Variants in MTHFD1L observed in about 807,000 individuals in gnomAD.
MTHFD1L encodes methylenetetrahydrofolate dehydrogenase (NADP+ dependent) 1 like, also known as monofunctional C1-tetrahydrofolate synthase, mitochondrial.
Under a neutral mutation model 119.5 loss-of-function variants are expected in MTHFD1L, and 81 were observed. The observed-to-expected ratio is 0.68, with a 90% confidence interval of 0.57 to 0.82. The LOEUF (loss-of-function observed/expected upper bound fraction) is 0.82. Ranked by LOEUF, MTHFD1L falls within the 40% of genes least tolerant of loss-of-function variation. The pLI, the probability that MTHFD1L is intolerant of heterozygous loss-of-function variation, is 0.00. For synonymous variants in MTHFD1L, 430 were observed against 475.2 expected, an observed-to-expected ratio of 0.90 and a Z score of 1.24; for missense variants, 1,125 against 1,253.4, an observed-to-expected ratio of 0.90 and a Z score of 1.55.
intron 7 of MTHFD1L, among the ~76,000 whole-genome samples, chr6:150,889,316 A>C (rs1281795101): frequency 6.6e-6 from 1 of 152,256 alleles, no homozygotes; most frequent in Non-Finnish European, 1.5e-5. Context: ...GTGGAAAGCA[A>C]AACTGTAAAA....
chr6:151,034,197 A>AT (rs796964839), intron 24 of MTHFD1L, among the ~76,000 whole-genome samples: 2 of 151,876 alleles, frequency 1.3e-5, no homozygotes, highest in Admixed American at 6.6e-5. Flanking sequence ...AGTAAACTAT[A>AT]TTTTTTTAAT....
intron 11 of MTHFD1L, among the ~76,000 whole-genome samples, chr6:150,932,987 G>A (rs1791413289): frequency 6.6e-6 from 1 of 152,098 alleles, no homozygotes; most frequent in Admixed American, 6.5e-5. Context: ...TAAAGATACT[G>A]GGGGGAAAAC....
chr6:151,057,607 G>A (rs928977113), intron 26 of MTHFD1L, among the ~76,000 whole-genome samples: 10 of 152,014 alleles, frequency 6.6e-5, no homozygotes, highest in African/African-American at 2.2e-4. Context: ...ACTCCAGCCT[G>A]GGCAACAGAG....
chr6:150,973,112 C>T (rs1462425125), intron 20 of MTHFD1L, among the ~76,000 whole-genome samples: 1 of 152,238 alleles, frequency 6.6e-6, no homozygotes, highest in Non-Finnish European at 1.5e-5. Flanking sequence ...CCATTAACCA[C>T]ACGTATACCT....
intron 5 of MTHFD1L, among the ~76,000 whole-genome samples, chr6:150,885,278 C>A (rs1782055745): frequency 6.6e-6 from 1 of 151,100 alleles, no homozygotes; most frequent in Non-Finnish European, 1.5e-5. Context: ...CTCACTGCAA[C>A]CTCTGCCTCC....
rs1176887544 is a variant in MTHFD1L, at chr6:151,039,602, G to A, written c.2847+2485G>A. Among the ~76,000 whole-genome samples, 1 of 152,164 alleles carries A rather than the reference G, an allele frequency of 6.6e-6. No homozygotes were observed. The highest frequency in any genetic ancestry group is 1.9e-4 in the East Asian group (1 of 5,178). On this transcript the variant is annotated intron_variant, in intron 26 of 27. Coordinates refer to ENST00000367321, the MANE Select transcript of MTHFD1L (RefSeq NM_015440.5). This position sits in a 1 kb window ranked among gnomAD's most constrained non-coding sequence, Gnocchi z 4.4. ...AGTTAACAAAAATGGGTGCTGAAGAGCTTGCTTTATATTCGTTAGAATGGC... is the reference window on the plus strand; with the variant it reads ...AGTTAACAAAAATGGGTGCTGAAGAACTTGCTTTATATTCGTTAGAATGGC...
intron 27 of MTHFD1L, among the ~76,000 whole-genome samples, chr6:151,094,473 T>C (rs564039394): frequency 9.2e-5 from 14 of 152,190 alleles, no homozygotes; most frequent in Admixed American, 8.5e-4. Context: ...AGCAATTCTC[T>C]TGCCTCACCC....
chr6:150,923,171 A>T (rs1789292621), intron 10 of MTHFD1L, among the ~76,000 whole-genome samples: 1 of 152,158 alleles, frequency 6.6e-6, no homozygotes. Flanking sequence ...GAACGATCTG[A>T]TAGAATAGTC....
intron 1 of MTHFD1L, among the ~76,000 whole-genome samples, chr6:150,875,000 A>G (rs803393): frequency 1 from 151,925 of 152,074 alleles, 75,888 homozygotes; most frequent in Middle Eastern, 1. Context: ...CACCCGCCTC[A>G]GCTTCCCAAA....
chr6:150,886,095 T>C (rs1380619631), intron 6 of MTHFD1L, among the ~76,000 whole-genome samples: 2 of 152,210 alleles, frequency 1.3e-5, no homozygotes, highest in African/African-American at 4.8e-5. Context: ...AGTTTCAGCT[T>C]ACTAAATCTA....
intron 19 of MTHFD1L, 52 bp downstream of exon 19, chr6:150,965,089 C>A: frequency 6.7e-7 from 1 of 1,497,878 alleles, no homozygotes; most frequent in Non-Finnish European, 9.3e-7. Context: ...GATTGCCACA[C>A]AATGTGAACA....
At chr6:151,092,617 CTT>C (rs933665821) in intron 27 of MTHFD1L, 30 bp downstream of exon 27, 25 of 1,409,240 alleles carry the variant, frequency 1.8e-5, no homozygotes, top group African/African-American at 1.6e-4. Context: ...CTTTTTCTCT[CTT>C]TGTTTTTTTC....
chr6:150,956,201 G>A, intron 17 of MTHFD1L, 130 bp downstream of exon 17: 1 of 842,124 alleles, frequency 1.2e-6, no homozygotes, highest in South Asian at 1.5e-5. Context: ...ACTGTTTTGG[G>A]TGCTCAGCAG....
At chr6:151,073,545 C>T (rs1259501721) in intron 26 of MTHFD1L, among the ~76,000 whole-genome samples, 4 of 152,130 alleles carry the variant, frequency 2.6e-5, no homozygotes, top group East Asian at 1.9e-4. Flanking sequence ...TTCATAGACA[C>T]GGACATTAAA....
chr6:150,934,307 TTATTAATTTGCCGGGTCTCA>T (rs1791681417), intron 11 of MTHFD1L, among the ~76,000 whole-genome samples: 1 of 152,224 alleles, frequency 6.6e-6, no homozygotes, highest in African/African-American at 2.4e-5. Flanking sequence ...TAGTTAACAT[TTATTAATTTGCCGGGTCTCA>T]CCTAAGATGT....
At chr6:151,048,641 C>T (rs1284814023) in intron 26 of MTHFD1L, among the ~76,000 whole-genome samples, 2 of 152,172 alleles carry the variant, frequency 1.3e-5, no homozygotes, top group South Asian at 2.1e-4. Flanking sequence ...GCCCACAAAT[C>T]CTATCTGCTC....
At chr6:151,048,681 T>C (rs975837128) in intron 26 of MTHFD1L, among the ~76,000 whole-genome samples, 1 of 152,228 alleles carries the variant, frequency 6.6e-6, no homozygotes, top group Non-Finnish European at 1.5e-5. Flanking sequence ...ATCAATGTGC[T>C]AGTCTCTCTT....
intron 24 of MTHFD1L, among the ~76,000 whole-genome samples, chr6:151,017,122 C>T (rs1389292154): frequency 1.3e-5 from 2 of 152,012 alleles, no homozygotes; most frequent in African/African-American, 4.8e-5. Flanking sequence ...AGTACATTCA[C>T]ATTGTCATGC....
chr6:151,062,443 G>C (rs1021277842), intron 26 of MTHFD1L, among the ~76,000 whole-genome samples: 3 of 151,954 alleles, frequency 2.0e-5, no homozygotes, highest in Non-Finnish European at 4.4e-5. Flanking sequence ...CAAAAAAAAA[G>C]ACCTTTTGCT....
Sources: gnomAD v4.1 joint callset for allele counts (sites outside exome capture counted in the v4.1 genomes callset) on GRCh38, gnomAD v4.1.1 for gene constraint, Gnocchi (gnomAD v3.1) non-coding constraint, MANE v1.5 for transcripts, NCBI Gene and HGNC (gene_info 2026-07-23, HGNC 2026-07-21) for gene names.